Variants in LMO7 observed in about 807,000 individuals in gnomAD.
LMO7 encodes LIM domain only protein 7.
In LMO7, 120 loss-of-function variants were observed where a neutral mutation model predicts 206.5. The observed-to-expected ratio is 0.58, with a 90% CI of 0.50 to 0.68. LMO7 has a LOEUF of 0.68. Ranked by LOEUF, LMO7 falls within the 30% of genes least tolerant of loss-of-function variation. LMO7 has a pLI of 0.00. For synonymous variants in LMO7, 706 were observed against 681.5 expected (o/e 1.04, Z -0.56); for missense variants, 1,959 against 1,957.9 (o/e 1.00, Z -0.01).
At chr13:75,833,573 A>C (rs1003990945) in intron 16 of LMO7, among the ~76,000 whole-genome samples, 1 of 152,096 alleles carries the variant, frequency 6.6e-6, no homozygotes, top group Non-Finnish European at 1.5e-5. Context: ...TTGCCCATGA[A>C]GTTTTCAGGG....
intron 3 of LMO7, among the ~76,000 whole-genome samples, chr13:75,736,072 G>A (rs913804636): frequency 3.3e-5 from 5 of 152,054 alleles, no homozygotes; most frequent in South Asian, 2.1e-4. Flanking sequence ...TTTTCTGATC[G>A]TATGATTATA....
At chr13:75,764,995 C>T (rs2048666139) in intron 4 of LMO7, among the ~76,000 whole-genome samples, 2 of 152,068 alleles carry the variant, frequency 1.3e-5, no homozygotes. Flanking sequence ...TTTACACATG[C>T]TAGTTGCCAA....
At chr13:75,644,417 G>T (rs1464381075) in intron 1 of LMO7, among the ~76,000 whole-genome samples, 3 of 152,114 alleles carry the variant, frequency 2.0e-5, no homozygotes, top group Non-Finnish European at 4.4e-5. Context: ...AGTGGCGCTG[G>T]CCAGGTAGTT....
At chr13:75,736,882 AC>A (rs1387400126) in intron 3 of LMO7, among the ~76,000 whole-genome samples, 1 of 152,220 alleles carries the variant, frequency 6.6e-6, no homozygotes, top group Non-Finnish European at 1.5e-5. Context: ...TAGCATAGTG[AC>A]TGATACATAT....
Position 75,764,042 on chromosome 13 carries a change from C to T in LMO7, c.317+3004C>T, listed in dbSNP as rs1222073076. 3.9e-5 allele frequency among the ~76,000 whole-genome samples: 6 copies of T among 152,036 alleles called. No homozygotes were observed. In the East Asian group the frequency reaches 1.2e-3, roughly 29 times the overall value. Reference sequence around the variant, plus strand: ...TTCTAATTTTCTAATAATTATTTTACTTTGTAGGAAGCAGTAGTTTTAATT... The same window carrying T: ...TTCTAATTTTCTAATAATTATTTTATTTTGTAGGAAGCAGTAGTTTTAATT... On this transcript the variant is annotated intron_variant, in intron 4 of 30. Transcript: ENST00000377534.
At chr13:75,729,582 A>G (rs1428501870) in intron 3 of LMO7, among the ~76,000 whole-genome samples, 4 of 150,862 alleles carry the variant, frequency 2.7e-5, no homozygotes, top group African/African-American at 7.3e-5. Flanking sequence ...AACAGGGACA[A>G]TTTGACTTCC....
At chr13:75,696,817 C>T (rs573692316) in intron 1 of LMO7, among the ~76,000 whole-genome samples, 3 of 152,188 alleles carry the variant, frequency 2.0e-5, no homozygotes, top group African/African-American at 7.2e-5. Flanking sequence ...CCTGCAGGGG[C>T]CAGACAGGTA....
intron 1 of LMO7, among the ~76,000 whole-genome samples, chr13:75,697,685 C>G (rs115964143): frequency 1.3e-5 from 2 of 152,124 alleles, no homozygotes; most frequent in Non-Finnish European, 2.9e-5. Flanking sequence ...TTATATTTCT[C>G]AATATACCAG....
intron 1 of LMO7, among the ~76,000 whole-genome samples, chr13:75,670,966 C>CTTTTTTTTTTTT (rs552236505): frequency 1.0e-5 from 1 of 100,068 alleles, no homozygotes; most frequent in Non-Finnish European, 2.1e-5. Flanking sequence ...ATGTTTAAAA[C>CTTTTTTTTTTTT]TTTTTTTTTT....
intron 6 of LMO7, 134 bp from the exon 7 acceptor site, chr13:75,800,550 G>A (rs1235866853): frequency 2.3e-5 from 17 of 747,798 alleles, no homozygotes; most frequent in South Asian, 9.2e-5. Flanking sequence ...TGCTGTGTCC[G>A]ACAGAGAAAC....
At chr13:75,815,919 G>A (rs962259691) in intron 11 of LMO7, among the ~76,000 whole-genome samples, 1 of 152,178 alleles carries the variant, frequency 6.6e-6, no homozygotes, top group Non-Finnish European at 1.5e-5. Flanking sequence ...AAGCAGGTTT[G>A]GGGACAAGAT....
intron 26 of LMO7, among the ~76,000 whole-genome samples, chr13:75,847,719 G>A (rs183520948): frequency 2.2e-4 from 34 of 152,332 alleles, no homozygotes; most frequent in African/African-American, 8.2e-4. Context: ...ACTATGTCTA[G>A]ATGAGCACTT....
intron 1 of LMO7, chr13:75,689,148 A>T (rs930046030): frequency 1.3e-5 from 2 of 152,184 alleles, no homozygotes; most frequent in Non-Finnish European, 2.9e-5. Flanking sequence ...CATCTTCAGA[A>T]TTCATTACAT....
At chr13:75,806,096 C>T in intron 9 of LMO7, 1 of 1,062,996 alleles carries the variant, frequency 9.4e-7, no homozygotes, top group African/African-American at 1.7e-5. Context: ...GACTCAGGTT[C>T]TGACAGAAGC....
At chr13:75,661,154 A>G (rs577831584) in intron 1 of LMO7, among the ~76,000 whole-genome samples, 5 of 152,246 alleles carry the variant, frequency 3.3e-5, no homozygotes, top group Admixed American at 3.3e-4. Flanking sequence ...TAAAATAGTG[A>G]TGTTTGCATA....
At chr13:75,634,405 T>C (rs2035462411), upstream of LMO7, among the ~76,000 whole-genome samples, 1 of 151,158 alleles carries the variant, frequency 6.6e-6, no homozygotes, top group African/African-American at 2.4e-5. Context: ...GCAACTGCAC[T>C]CCAGCCTAGG....
rs147740548 is a variant in LMO7, at chr13:75,741,303, C to T, written c.210+14205C>T. Among the ~76,000 whole-genome samples the T allele has an allele frequency of 2.8e-3, 419 of 152,038 alleles. 3 individuals carry two copies. Among genetic ancestry groups the T allele is most frequent in the African/African-American group, 9.8e-3 (406 of 41,506 alleles). On this transcript the variant is annotated intron_variant, in intron 3 of 30. Coordinates refer to ENST00000377534, the MANE Select transcript of LMO7 (RefSeq NM_001306080.2). Reference sequence around the variant, plus strand: ...ACAAAAACGGAGTATTTTTTTCTTCCAAATAAAGACATAGGAGAGTACTAT... The same window carrying T: ...ACAAAAACGGAGTATTTTTTTCTTCTAAATAAAGACATAGGAGAGTACTAT...
intron 2 of LMO7, among the ~76,000 whole-genome samples, chr13:75,717,380 AACAC>A (rs1555300788): frequency 6.7e-6 from 1 of 148,696 alleles, no homozygotes; most frequent in East Asian, 2.0e-4. Flanking sequence ...AAAAAAAAAA[AACAC>A]ACAAACAAAA....
chr13:75,736,975 A>G (rs1425909878), intron 3 of LMO7, among the ~76,000 whole-genome samples: 3 of 152,338 alleles, frequency 2.0e-5, no homozygotes, highest in African/African-American at 7.2e-5. Context: ...TGGGTCTTTG[A>G]TGGGATAGTG....
Sources: gnomAD v4.1 joint callset for allele counts (sites outside exome capture counted in the v4.1 genomes callset) on GRCh38, gnomAD v4.1.1 for gene constraint, MANE v1.5 for transcripts, NCBI Gene and HGNC (gene_info 2026-07-23, HGNC 2026-07-21) for gene names.